PDE4D: variants seen among roughly 807,000 people sequenced by gnomAD.
The protein encoded by PDE4D is 3',5'-cyclic-AMP phosphodiesterase 4D.
A neutral mutation model predicts 87.4 loss-of-function variants in PDE4D; 24 were observed. That is an observed-to-expected ratio of 0.27 (90% CI 0.20 to 0.39). The LOEUF (loss-of-function observed/expected upper bound fraction) is 0.39, where lower values mean the gene tolerates loss of function less well. PDE4D is among the 10% of genes least tolerant of loss of function. The pLI is 1.00. For missense variants in PDE4D, 714 were observed against 1,041.0 expected (o/e 0.69, Z 4.32); for synonymous variants, 384 against 383.2 (o/e 1.00, Z -0.02).
At chr5:59,184,578 T>C (rs781422238) in intron 4 of PDE4D, among the ~76,000 whole-genome samples, 6 of 152,192 alleles carry the variant, frequency 3.9e-5, no homozygotes, top group Non-Finnish European at 8.8e-5. Context: ...AAATGGACAT[T>C]GAAATAACAG....
intron 1 of PDE4D, among the ~76,000 whole-genome samples, chr5:60,219,342 T>C (rs1178916641): frequency 6.6e-6 from 1 of 152,174 alleles, no homozygotes; most frequent in Non-Finnish European, 1.5e-5. Flanking sequence ...GCTACTGGAA[T>C]AATCTGTTTT....
intron 1 of PDE4D, among the ~76,000 whole-genome samples, chr5:60,236,851 C>A (rs150473609): frequency 1.7e-4 from 26 of 152,044 alleles, no homozygotes; most frequent in African/African-American, 6.0e-4. Flanking sequence ...TCCCTTACAA[C>A]CTGCAGAAAG....
intron 1 of PDE4D, chr5:59,356,708 C>T: frequency 6.7e-7 from 1 of 1,493,910 alleles, no homozygotes; most frequent in Non-Finnish European, 9.0e-7. Flanking sequence ...TGCAAGGGGC[C>T]TAAGGCAGTT....
At chr5:60,191,201 T>C (rs975960123) in intron 1 of PDE4D, among the ~76,000 whole-genome samples, 2 of 152,076 alleles carry the variant, frequency 1.3e-5, no homozygotes, top group Non-Finnish European at 2.9e-5. Flanking sequence ...ACTCATCTAC[T>C]AGCTAACATT....
chr5:59,836,966 A>G (rs76669874), intron 1 of PDE4D, among the ~76,000 whole-genome samples: 4,318 of 151,974 alleles, frequency 0.028, 103 homozygotes, highest in Non-Finnish European at 0.041. Context: ...ATTCTGTCTC[A>G]GAGGTTCATC....
intron 1 of PDE4D, among the ~76,000 whole-genome samples, chr5:59,353,250 T>C (rs770528440): frequency 2.2e-4 from 34 of 152,138 alleles, no homozygotes; most frequent in Non-Finnish European, 4.7e-4. Context: ...CAATAATATA[T>C]TTTAAATCAC....
At chr5:59,657,415 G>A (rs1353651740) in intron 1 of PDE4D, among the ~76,000 whole-genome samples, 1 of 151,964 alleles carries the variant, frequency 6.6e-6, no homozygotes, top group Non-Finnish European at 1.5e-5. Context: ...ATAAATTAAG[G>A]CTATGCCTGT....
At chr5:59,833,789 C>T (rs1460833201) in intron 1 of PDE4D, among the ~76,000 whole-genome samples, 1 of 151,976 alleles carries the variant, frequency 6.6e-6, no homozygotes, top group Non-Finnish European at 1.5e-5. Flanking sequence ...ATAAAAACCA[C>T]TATGCTCAAG....
Position 59,637,490 on chromosome 5 carries a change from AC to A in PDE4D, c.455+255677del, listed in dbSNP as rs539429335. ...CTATTCACAATAGCAAAGACTTGGA[AC>A]CAACAAAAATACCCATCAATGATAG... is the stretch of plus-strand genomic sequence containing the variant. On this transcript the variant is annotated intron_variant, in intron 1 of 14. Transcript: ENST00000340635. 3.0e-3 allele frequency among the ~76,000 whole-genome samples: 461 copies of A among 152,244 alleles called. 3 individuals carry two copies. Among genetic ancestry groups the A allele is most frequent in the African/African-American group, 0.01 (433 of 41,538 alleles).
intron 1 of PDE4D, among the ~76,000 whole-genome samples, chr5:59,708,905 C>CTTT (rs1163498058): frequency 1.2e-4 from 16 of 135,340 alleles, no homozygotes; most frequent in African/African-American, 3.5e-4. Context: ...TCTCATCTGG[C>CTTT]TTTTTTTTTT....
intron 1 of PDE4D, among the ~76,000 whole-genome samples, chr5:60,195,395 C>T (rs1180461820): frequency 6.6e-6 from 1 of 151,736 alleles, no homozygotes; most frequent in East Asian, 1.9e-4. Context: ...ATAAAATATG[C>T]TTAGTAAATG....
chr5:60,077,500 C>T (rs1203523359), intron 2 of PDE4D, among the ~76,000 whole-genome samples: 1 of 152,116 alleles, frequency 6.6e-6, no homozygotes, highest in Non-Finnish European at 1.5e-5. Flanking sequence ...CCACGAGCTA[C>T]CTGGGGACTG....
At position 60,334,066 on chromosome 5, in the gene PDE4D, A is replaced by T. The variant is rs549283906; in HGVS notation, c.-89-148379T>A. On this transcript the variant is annotated intron_variant, in intron 1 of 16. Transcript: ENST00000502484. ...CACACAGCTTTGCTGCCATAACTGG[A>T]TGTAGTCATTCCTTCCCAATGTCAA... 3.6e-3 allele frequency among the ~76,000 whole-genome samples: 555 copies of T among 152,274 alleles called. 2 individuals carry two copies. The highest frequency in any genetic ancestry group is 0.012 in the African/African-American group (489 of 41,542).
intron 1 of PDE4D, among the ~76,000 whole-genome samples, chr5:60,407,573 C>T (rs1741662198): frequency 6.7e-6 from 1 of 149,568 alleles, no homozygotes; most frequent in African/African-American, 2.5e-5. Flanking sequence ...CCTGCCTCGG[C>T]CTCTGAGTAG....
chr5:60,085,431 T>G (rs1774421959), intron 2 of PDE4D, among the ~76,000 whole-genome samples: 1 of 152,178 alleles, frequency 6.6e-6, no homozygotes, highest in South Asian at 2.1e-4. Flanking sequence ...ATAGCCAGTC[T>G]TATTTTCTCA....
intron 2 of PDE4D, among the ~76,000 whole-genome samples, chr5:59,205,769 G>GA (rs1420685854): frequency 6.6e-6 from 1 of 150,956 alleles, no homozygotes; most frequent in Non-Finnish European, 1.5e-5. Context: ...AAGCACCAAA[G>GA]AAAAAATGAA....
chr5:60,318,624 G>A (rs1310243681), intron 1 of PDE4D, among the ~76,000 whole-genome samples: 2 of 152,030 alleles, frequency 1.3e-5, no homozygotes, highest in Non-Finnish European at 2.9e-5. Context: ...GGCTGGTACT[G>A]GTTTTTCCTT....
Position 60,399,009 on chromosome 5 carries a change from C to G in PDE4D, c.-90+88933G>C, listed in dbSNP as rs958376033. On this transcript the variant is annotated intron_variant, in intron 1 of 16. Transcript: ENST00000502484. ...CATCCCAAAATTAACATTTTAGGTCCCTGGAGATCTATAATTTGATTATTT... is the reference window on the plus strand; with the variant it reads ...CATCCCAAAATTAACATTTTAGGTCGCTGGAGATCTATAATTTGATTATTT... Among the ~76,000 whole-genome samples, 5 of 152,052 alleles carry G rather than the reference C, an allele frequency of 3.3e-5. No individual in the cohort carries two copies. In the East Asian group the frequency reaches 9.7e-4, roughly 29 times the overall value.
In PDE4D at chr5:59,038,862, G is replaced by A. The variant is rs1759058378; in HGVS notation, c.918C>T (p.Asn306=). 6.4e-7 allele frequency: 1 copy of A among 1,555,838 alleles called. No homozygotes were observed. The highest frequency in any genetic ancestry group is 1.2e-5 in the South Asian group (1 of 82,302). Residue 306 remains asparagine, a synonymous_variant, in exon 6 of 15, where the codon AAC becomes AAT. Transcript: ENST00000340635. ...TRHSVSEMAS[N]KFKRMLNREL... ...TGACAGCAGAACCGGGGCTTACCTTGTTGGAGGCCATCTCACTGACGGAGT... is the reference window on the plus strand; with the variant it reads ...TGACAGCAGAACCGGGGCTTACCTTATTGGAGGCCATCTCACTGACGGAGT...
Sources: allele counts gnomAD v4.1 joint callset (sites outside exome capture counted in the v4.1 genomes callset), GRCh38; gene constraint gnomAD v4.1.1; transcripts MANE v1.5; gene names NCBI Gene and HGNC (gene_info 2026-07-23, HGNC 2026-07-21).